Variants in DSCAML1 observed in about 807,000 individuals in gnomAD.
DSCAML1 encodes the protein cell adhesion molecule DSCAML1.
Under a neutral mutation model 200.5 loss-of-function variants are expected in DSCAML1, and 38 were observed. The ratio of observed to expected loss-of-function variants is 0.19; its 90% CI spans 0.15 to 0.25. The LOEUF is 0.25. Among genes scored for constraint, DSCAML1 ranks in the 10% least tolerant of loss-of-function variants. DSCAML1 has a pLI of 1.00. For synonymous variants in DSCAML1, 1,215 were observed against 1,165.0 expected (o/e 1.04, Z -0.87); for missense variants, 2,223 against 2,858.8 (o/e 0.78, Z 5.07).
At chr11:117,448,666 G>A (rs973488189) in intron 20 of DSCAML1, among the ~76,000 whole-genome samples, 2 of 151,710 alleles carry the variant, frequency 1.3e-5, no homozygotes, top group South Asian at 2.1e-4. Context: ...GGGGGGAGAC[G>A]GGAAAACAGA....
intron 11 of DSCAML1, among the ~76,000 whole-genome samples, chr11:117,488,924 C>A (rs2049134755): frequency 6.6e-6 from 1 of 152,262 alleles, no homozygotes; most frequent in Non-Finnish European, 1.5e-5. Flanking sequence ...CTTGACGAAG[C>A]TCCATGGCCT....
At chr11:117,666,098 G>A (rs930596770) in intron 3 of DSCAML1, among the ~76,000 whole-genome samples, 5 of 152,250 alleles carry the variant, frequency 3.3e-5, no homozygotes, top group Admixed American at 2.0e-4. Context: ...GCTCCGAGGG[G>A]CTGTTTGTTG....
intron 3 of DSCAML1, among the ~76,000 whole-genome samples, chr11:117,727,294 G>C (rs1162297614): frequency 6.6e-6 from 1 of 152,058 alleles, no homozygotes; most frequent in Non-Finnish European, 1.5e-5. Flanking sequence ...AATCACTGTG[G>C]GATTAAGAGG....
rs2055775944 is a variant in DSCAML1 at position 117,813,300 on chromosome 11, C to T, written c.-250+4090G>A. ...CCCCAGTCTCATTCCAGACACCAGA[C>T]CAACTTCGACTGTGCCCCAAAAAAC... is the stretch of plus-strand genomic sequence containing the variant. On this transcript the variant is annotated intron_variant, in intron 1 of 2. Transcript: ENST00000525836. 2.0e-5 allele frequency among the ~76,000 whole-genome samples: 3 copies of T among 152,328 alleles called. No individual in the cohort carries two copies. In the South Asian group the frequency reaches 6.2e-4, roughly 32 times the overall value.
chr11:117,804,811 T>C (rs1338255213), intron 1 of DSCAML1, among the ~76,000 whole-genome samples: 2 of 152,092 alleles, frequency 1.3e-5, no homozygotes, highest in Admixed American at 1.3e-4. Context: ...ATGCCTGTAG[T>C]CCCAGCTACT....
At chr11:117,786,779 T>G (rs1295202697) in intron 1 of DSCAML1, among the ~76,000 whole-genome samples, 1 of 152,130 alleles carries the variant, frequency 6.6e-6, no homozygotes, top group East Asian at 1.9e-4. Context: ...CTTACAATAT[T>G]TACTCATCTC....
Position 117,810,798 on chromosome 11 carries a change from C to T in DSCAML1, c.-250+6592G>A, listed in dbSNP as rs189327798. On this transcript the variant is annotated intron_variant, in intron 1 of 2. Transcript: ENST00000525836. ...TGGGCAAATGATCTGAGGTGCCTGACGTCCACGCATTCTTTTACACATCAG... is the reference window on the plus strand; with the variant it reads ...TGGGCAAATGATCTGAGGTGCCTGATGTCCACGCATTCTTTTACACATCAG... 8.5e-5 allele frequency among the ~76,000 whole-genome samples: 13 copies of T among 152,270 alleles called. No individual in the cohort carries two copies. The East Asian group carries it at 1.9e-3, about 23-fold the overall frequency.
chr11:117,525,031 C>T lies in DSCAML1; in HGVS notation c.711G>A (p.Val237=). ...GCAGCTCCACGGTGTGGCCGGCCCA[C>T]ACTTCCTGGGAGTGGAAGCCATCCA... The part of the protein sequence containing the change: ...TILDGFHSQE[V]WAGHTVELPC... Residue 237 remains valine (V), a synonymous_variant, in exon 5 of 33, where the codon GTG becomes GTA. Coordinates refer to ENST00000651296, the MANE Select transcript of DSCAML1 (RefSeq NM_020693.4). The T allele has an allele frequency of 3.8e-6, 6 of 1,597,770 alleles. No homozygotes were observed. The highest frequency in any genetic ancestry group is 3.4e-6 in the Non-Finnish European group (4 of 1,173,542).
intron 3 of DSCAML1, among the ~76,000 whole-genome samples, chr11:117,539,903 G>A (rs1361305205): frequency 2.0e-5 from 3 of 152,252 alleles, no homozygotes; most frequent in Middle Eastern, 3.4e-3. Flanking sequence ...ATGGATAAAC[G>A]ACATGTGATA....
intron 19 of DSCAML1, among the ~76,000 whole-genome samples, chr11:117,451,251 T>C (rs901312644): frequency 1.8e-4 from 28 of 152,330 alleles, no homozygotes; most frequent in Non-Finnish European, 1.6e-4. Flanking sequence ...TTATGGACTC[T>C]GATGTCCCCT....
chr11:117,464,774 A>T (rs2048546912), intron 17 of DSCAML1, among the ~76,000 whole-genome samples, 168 bp downstream of exon 17: 2 of 152,202 alleles, frequency 1.3e-5, no homozygotes, highest in Admixed American at 1.3e-4. Flanking sequence ...ACATCTCTGG[A>T]GGAGCTAATG....
rs1022166378 is a variant in DSCAML1 at position 117,463,099 on chromosome 11, A to G, written c.3266-1503T>C. Among the ~76,000 whole-genome samples the G allele has an allele frequency of 1.3e-5, 2 of 152,224 alleles. No homozygotes were observed. The highest frequency in any genetic ancestry group is 4.8e-5 in the African/African-American group (2 of 41,452). On this transcript the variant is annotated intron_variant, in intron 17 of 32. Coordinates refer to ENST00000651296, the MANE Select transcript of DSCAML1 (RefSeq NM_020693.4). This position sits in a 1 kb window ranked among gnomAD's most constrained non-coding sequence, Gnocchi z 4.0. ...CTGTTCCCTGGACACACCTTCCTAAAGCCTCCTGCATCTGCGTCACTTGTT... is the reference window on the plus strand; with the variant it reads ...CTGTTCCCTGGACACACCTTCCTAAGGCCTCCTGCATCTGCGTCACTTGTT...
rs2049337172 is a variant in DSCAML1, at chr11:117,498,575, T to C, written c.2359+5270A>G. On this transcript the variant is annotated intron_variant, in intron 11 of 32. Coordinates refer to ENST00000651296, the MANE Select transcript of DSCAML1 (RefSeq NM_020693.4). The surrounding 1 kb of genome is among the most constrained non-coding windows in gnomAD (Gnocchi z 4.0). ...TCTGTTTGACAAGAAGGAGTTTCCT[T>C]TGGGCAAATTTGAAATGAGGACCAT... Among the ~76,000 whole-genome samples, 1 of 152,126 alleles carries C rather than the reference T, an allele frequency of 6.6e-6. No individual in the cohort carries two copies. Among genetic ancestry groups the C allele is most frequent in the Non-Finnish European group, 1.5e-5 (1 of 68,014 alleles).
intron 3 of DSCAML1, among the ~76,000 whole-genome samples, chr11:117,590,617 G>T (rs922352301): frequency 6.6e-6 from 1 of 152,214 alleles, no homozygotes; most frequent in African/African-American, 2.4e-5. Flanking sequence ...GTCATCTCGA[G>T]ATGGAGCACA....
intron 3 of DSCAML1, among the ~76,000 whole-genome samples, chr11:117,653,126 C>T (rs572653471): frequency 2.0e-5 from 3 of 152,158 alleles, no homozygotes; most frequent in South Asian, 4.2e-4. Context: ...CTGGCTTTGC[C>T]GAGTAGTTTT....
At chr11:117,720,179 G>A (rs1288452219) in intron 3 of DSCAML1, among the ~76,000 whole-genome samples, 4 of 152,132 alleles carry the variant, frequency 2.6e-5, no homozygotes, top group Non-Finnish European at 5.9e-5. Context: ...CGCCCGCACA[G>A]CCCACTCATA....
chr11:117,536,882 T>C (rs927458193), intron 3 of DSCAML1, among the ~76,000 whole-genome samples: 1 of 152,232 alleles, frequency 6.6e-6, no homozygotes, highest in Non-Finnish European at 1.5e-5. Context: ...AGCAGGACTC[T>C]ACTTTTTTTA....
At chr11:117,732,718 C>A (rs558160120) in intron 3 of DSCAML1, among the ~76,000 whole-genome samples, 2 of 152,238 alleles carry the variant, frequency 1.3e-5, no homozygotes, top group South Asian at 4.2e-4. Flanking sequence ...TCTCTCCTTC[C>A]GGAAAGAGCA....
intron 3 of DSCAML1, among the ~76,000 whole-genome samples, chr11:117,735,172 C>T (rs1407592286): frequency 6.6e-6 from 1 of 152,168 alleles, no homozygotes; most frequent in Non-Finnish European, 1.5e-5. Flanking sequence ...CACAGCTGGC[C>T]CCAAGTCCCC....
Sources: allele counts gnomAD v4.1 joint callset (sites outside exome capture counted in the v4.1 genomes callset), GRCh38; gene constraint gnomAD v4.1.1; non-coding constraint Gnocchi (gnomAD v3.1); transcripts MANE v1.5; gene names NCBI Gene and HGNC (gene_info 2026-07-23, HGNC 2026-07-21).